CABCOCO1: variants seen among roughly 807,000 people sequenced by gnomAD.
CABCOCO1 encodes ciliary associated calcium binding coiled-coil 1.
A neutral mutation model predicts 35.7 loss-of-function variants in CABCOCO1; 28 were observed. That is an observed-to-expected ratio of 0.78 (90% CI 0.58 to 1.07). The LOEUF (loss-of-function observed/expected upper bound fraction) is 1.07, where lower values mean the gene tolerates loss of function less well. CABCOCO1 is among the 50% of genes least tolerant of loss of function. The pLI, the probability that CABCOCO1 is intolerant of heterozygous loss-of-function variation, is 0.00. For missense variants in CABCOCO1, 326 were observed against 309.2 expected, an observed-to-expected ratio of 1.05 and a Z score of -0.41; for synonymous variants, 95 against 100.1, an observed-to-expected ratio of 0.95 and a Z score of 0.30.
chr10:61,720,685 G>A (rs767414910), intron 5 of CABCOCO1, among the ~76,000 whole-genome samples: 1 of 106,108 alleles, frequency 9.4e-6, no homozygotes, highest in Non-Finnish European at 2.3e-5. Flanking sequence ...ACTACATCAT[G>A]TGGTGGGGGG....
rs373764488 is a variant in CABCOCO1 at position 61,758,629 on chromosome 10, G to A, written c.553-1430G>A. Among the ~76,000 whole-genome samples the A allele has an allele frequency of 4.6e-5, 7 of 152,146 alleles. No individual in the cohort carries two copies. The East Asian group carries it at 7.7e-4, about 17-fold the overall frequency. On this transcript the variant is annotated intron_variant, in intron 5 of 7. Coordinates refer to ENST00000648843, the MANE Select transcript of CABCOCO1 (RefSeq NM_001366906.2). ...TATGGCAACTTAATGACGTATTACA[G>A]TTTACTGAAAACCACAAAGGACAAG...
intron 5 of CABCOCO1, among the ~76,000 whole-genome samples, chr10:61,742,091 T>G (rs1421273229): frequency 6.6e-6 from 1 of 152,118 alleles, no homozygotes; most frequent in Non-Finnish European, 1.5e-5. Flanking sequence ...TCAGTTTTAT[T>G]TCAGAATATA....
intron 5 of CABCOCO1, among the ~76,000 whole-genome samples, chr10:61,700,697 C>CAT (rs1434492571): frequency 2.6e-5 from 4 of 151,822 alleles, no homozygotes; most frequent in Non-Finnish European, 4.4e-5. Flanking sequence ...AATATGGGTG[C>CAT]ATATATTTGA....
At chr10:61,729,568 A>G (rs1271317220) in intron 5 of CABCOCO1, among the ~76,000 whole-genome samples, 2 of 152,188 alleles carry the variant, frequency 1.3e-5, no homozygotes, top group East Asian at 3.8e-4. Flanking sequence ...TTCCTCAGAA[A>G]TTAAAAATAT....
At chr10:61,694,486 G>C (rs573296229) in intron 5 of CABCOCO1, among the ~76,000 whole-genome samples, 2 of 151,364 alleles carry the variant, frequency 1.3e-5, no homozygotes, top group African/African-American at 2.4e-5. Context: ...AAAGAAATTA[G>C]ATTTTTACCT....
At chr10:61,680,669 AACATATATGTTATACATG>A (rs1381667768) in intron 2 of CABCOCO1, among the ~76,000 whole-genome samples, 1 of 73,562 alleles carries the variant, frequency 1.4e-5, no homozygotes, top group Non-Finnish European at 2.9e-5. Flanking sequence ...ATACATGTAT[AACATATATGTTATACATG>A]TATAACATAT....
intron 5 of CABCOCO1, among the ~76,000 whole-genome samples, chr10:61,703,220 G>C (rs912485817): frequency 3.1e-5 from 4 of 130,514 alleles, no homozygotes; most frequent in African/African-American, 1.2e-4. Flanking sequence ...ACAAAGGCTT[G>C]TGAGGAGACA....
chr10:61,681,845 G>T (rs993991294), intron 3 of CABCOCO1, among the ~76,000 whole-genome samples: 5 of 152,004 alleles, frequency 3.3e-5, no homozygotes, highest in Non-Finnish European at 7.4e-5. Context: ...TATACACAAA[G>T]AAATGCTGGA....
intron 5 of CABCOCO1, among the ~76,000 whole-genome samples, chr10:61,728,352 T>C (rs1841213759): frequency 6.6e-6 from 1 of 152,186 alleles, no homozygotes; most frequent in Non-Finnish European, 1.5e-5. Context: ...TCCTGAAGTA[T>C]GGAATTGTGG....
At chr10:61,663,217 C>T (rs1283752448) in intron 1 of CABCOCO1, 185 bp downstream of exon 1, 1 of 171,308 alleles carries the variant, frequency 5.8e-6, no homozygotes, top group Non-Finnish European at 1.4e-5. Context: ...GGGTCCCCGA[C>T]ACCCTCTGCA....
chr10:61,743,054 A>C (rs914042014), intron 5 of CABCOCO1, among the ~76,000 whole-genome samples: 1 of 152,216 alleles, frequency 6.6e-6, no homozygotes, highest in Non-Finnish European at 1.5e-5. Flanking sequence ...ATTTTAGCTC[A>C]AAAATCACAC....
intron 5 of CABCOCO1, among the ~76,000 whole-genome samples, chr10:61,750,779 G>T (rs1045698451): frequency 2.6e-5 from 4 of 152,178 alleles, no homozygotes; most frequent in African/African-American, 9.7e-5. Flanking sequence ...CTTGTAGCTG[G>T]TCTAACAAAC....
At chr10:61,693,007 C>T (rs1268600299) in intron 5 of CABCOCO1, among the ~76,000 whole-genome samples, 1 of 152,022 alleles carries the variant, frequency 6.6e-6, no homozygotes, top group Non-Finnish European at 1.5e-5. Context: ...CTCCCTTTTC[C>T]TTTGTTAATT....
At chr10:61,676,877 C>T (rs1046186997) in intron 2 of CABCOCO1, among the ~76,000 whole-genome samples, 4 of 151,630 alleles carry the variant, frequency 2.6e-5, no homozygotes, top group African/African-American at 9.7e-5. Flanking sequence ...CTGGCTAACA[C>T]GGTGAAACCC....
chr10:61,725,602 C>T (rs1213274148), intron 5 of CABCOCO1, among the ~76,000 whole-genome samples: 1 of 129,446 alleles, frequency 7.7e-6, no homozygotes, highest in East Asian at 2.2e-4. Flanking sequence ...CACAATGGGG[C>T]CTGTTGTGGG....
chr10:61,722,943 A>G (rs1042989467), intron 5 of CABCOCO1, among the ~76,000 whole-genome samples: 4 of 152,236 alleles, frequency 2.6e-5, no homozygotes, highest in African/African-American at 9.6e-5. Context: ...AATAATTGAT[A>G]ATTGACCCGT....
At chr10:61,676,327 G>A (rs1250842279) in intron 2 of CABCOCO1, among the ~76,000 whole-genome samples, 1 of 152,118 alleles carries the variant, frequency 6.6e-6, no homozygotes, top group Non-Finnish European at 1.5e-5. Context: ...GAGAAATTGT[G>A]ATATAAGAAG....
chr10:61,731,692 T>C (rs1181838348), intron 5 of CABCOCO1, among the ~76,000 whole-genome samples: 1 of 147,606 alleles, frequency 6.8e-6, no homozygotes, highest in African/African-American at 2.5e-5. Flanking sequence ...AAAAATCTGT[T>C]GGCACAATTT....
In CABCOCO1 at chr10:61,766,685, T is replaced by C. The variant is rs985085460; in HGVS notation, c.*672T>C. 1 of 152,134 alleles carries C rather than the reference T, an allele frequency of 6.6e-6. No homozygotes were observed. Among genetic ancestry groups the C allele is most frequent in the African/African-American group, 2.4e-5 (1 of 41,438 alleles). 9.4% of individuals were successfully genotyped at this position (152,134 alleles called of 1,614,324 possible). ...ACATGACCTATATAAAAAGAAGCAA[T>C]GTATAAATGGTTATTAAAGACCAAC... On this transcript the variant is annotated 3_prime_UTR_variant, in exon 8 of 8. Transcript: ENST00000648843.
Sources: gnomAD v4.1 joint callset for allele counts (sites outside exome capture counted in the v4.1 genomes callset) on GRCh38, gnomAD v4.1.1 for gene constraint, MANE v1.5 for transcripts, NCBI Gene and HGNC (gene_info 2026-07-23, HGNC 2026-07-21) for gene names.